LRRC53: variants seen among roughly 807,000 people sequenced by gnomAD.
The protein encoded by LRRC53 is leucine rich repeat containing 53.
Under a neutral mutation model 13.6 loss-of-function variants are expected in LRRC53, and 25 were observed. The ratio of observed to expected loss-of-function variants is 1.83; its 90% CI spans 1.34 to 2.56. The LOEUF is 2.56. Among genes scored for constraint, LRRC53 ranks in the 30% most tolerant of loss-of-function variants. The pLI is 0.00. For missense variants in LRRC53, 527 were observed against 275.8 expected (o/e 1.91, Z -6.45); for synonymous variants, 204 against 109.8 (o/e 1.86, Z -5.37).
chr1:74,497,886 G>C (rs1371780574), intron 1 of LRRC53, among the ~76,000 whole-genome samples: 1 of 152,094 alleles, frequency 6.6e-6, no homozygotes, highest in Non-Finnish European at 1.5e-5. Context: ...AGTGATACAC[G>C]TTTTCATCAT....
intron 1 of LRRC53, among the ~76,000 whole-genome samples, chr1:74,500,973 ATATAT>A (rs1186575806): frequency 1.3e-5 from 2 of 152,020 alleles, no homozygotes; most frequent in African/African-American, 4.8e-5. Context: ...TTTACTTGTG[ATATAT>A]TATGTTTCCA....
chr1:74,491,842 C>T (rs185543404), intron 1 of LRRC53, among the ~76,000 whole-genome samples: 11 of 152,156 alleles, frequency 7.2e-5, no homozygotes, highest in Admixed American at 3.9e-4. Flanking sequence ...TGAGTTGGGC[C>T]TACTGTGTTT....
the LRRC53 span, among the ~76,000 whole-genome samples, chr1:74,530,431 G>A: frequency 2.0e-5 from 3 of 152,290 alleles, no homozygotes; most frequent in East Asian, 3.9e-4. Flanking sequence ...GTTAGGTGGG[G>A]CAAATTTTGT....
upstream of LRRC53, among the ~76,000 whole-genome samples, chr1:74,514,684 C>T (rs1236797914): frequency 3.9e-5 from 6 of 152,180 alleles, no homozygotes; most frequent in African/African-American, 1.4e-4. Context: ...ATCCCAAAGC[C>T]ATGTGTGCTC....
chr1:74,484,993 A>AT (rs1255673988), intron 1 of LRRC53, among the ~76,000 whole-genome samples: 2 of 152,160 alleles, frequency 1.3e-5, no homozygotes, highest in Admixed American at 6.6e-5. Context: ...ATTCCAGATG[A>AT]TTTTTTATCA....
chr1:74,480,249 C>G lies in LRRC53; in HGVS notation c.808G>C (p.Asp270His). 1 of 717,532 alleles carries G rather than the reference C, an allele frequency of 1.4e-6. No individual in the cohort carries two copies. The highest frequency in any genetic ancestry group is 2.6e-6 in the Non-Finnish European group (1 of 385,092). The allele number at this position is 717,532 out of a possible 1,614,324, so 44.4% of individuals were successfully genotyped here. A position where few individuals can be genotyped will look rare whatever the true frequency, so the allele number is the denominator to read the frequency against. Reference protein sequence around the residue: ...SVLRLSETNCDSKAPNFTLVL... With the variant: ...SVLRLSETNCHSKAPNFTLVL... Reference sequence around the variant, plus strand: ...AGAGTGAAGTTGGGAGCTTTGGAATCACAGTTGGTCTCAGACAGCCTCAGC... The same window carrying G: ...AGAGTGAAGTTGGGAGCTTTGGAATGACAGTTGGTCTCAGACAGCCTCAGC... The change falls in exon 3 of 5, where the codon GAT becomes CAT. Residue 270 changes from aspartate to histidine, a missense_variant. Coordinates refer to ENST00000294635, the MANE Select transcript of LRRC53 (RefSeq NM_001382280.1).
At chr1:74,528,812 C>G in the LRRC53 span, among the ~76,000 whole-genome samples, 1 of 152,298 alleles carries the variant, frequency 6.6e-6, no homozygotes, top group East Asian at 1.9e-4. Context: ...CACCTGGCAC[C>G]TTGATCCTCA....
At chr1:74,511,268 C>G (rs562742712) in intron 1 of LRRC53, among the ~76,000 whole-genome samples, 1 of 152,050 alleles carries the variant, frequency 6.6e-6, no homozygotes, top group South Asian at 2.1e-4. Context: ...TCTCGGCTCA[C>G]CACAACCTCT....
At chr1:74,522,591 A>G in the LRRC53 span, among the ~76,000 whole-genome samples, 3 of 152,050 alleles carry the variant, frequency 2.0e-5, no homozygotes, top group Non-Finnish European at 4.4e-5. Flanking sequence ...TTTTTCCTGC[A>G]TATTCCCAAA....
chr1:74,523,411 A>G, the LRRC53 span, among the ~76,000 whole-genome samples: 2 of 152,050 alleles, frequency 1.3e-5, no homozygotes, highest in African/African-American at 2.4e-5. Context: ...TTGTGTATTC[A>G]AACATACTTG....
At chr1:74,486,201 AAGAGAGAGAG>A (rs58506314) in intron 1 of LRRC53, among the ~76,000 whole-genome samples, 6 of 136,516 alleles carry the variant, frequency 4.4e-5, no homozygotes, top group African/African-American at 1.3e-4. Context: ...AAATGCTATA[AAGAGAGAGAG>A]AGAGAGAGAG....
intron 1 of LRRC53, 28 bp from the exon 2 acceptor site, chr1:74,483,403 A>G (rs1570682135): frequency 2.8e-6 from 2 of 713,052 alleles, no homozygotes; most frequent in South Asian, 3.0e-5. Context: ...GGCAATGTAT[A>G]TCATAATGTT....
chr1:74,471,685 A>G lies in LRRC53; in HGVS notation c.1937T>C (p.Val646Ala). 2 of 401,104 alleles carry G rather than the reference A, an allele frequency of 5.0e-6. No individual in the cohort carries two copies. The highest frequency in any genetic ancestry group is 8.8e-6 in the Non-Finnish European group (2 of 226,562). 24.8% of individuals were successfully genotyped at this position (401,104 alleles called of 1,614,324 possible). A position where few individuals can be genotyped will look rare whatever the true frequency, so the allele number is the denominator to read the frequency against. ...KRVIFHDPDL[V>A]EINRSMMSPK... ...TGACATCATCGACCTATTTATTTCT[A>G]CTAAATCAGGATCATGGAAGATAAC... is the stretch of plus-strand genomic sequence containing the variant. The change falls in exon 5 of 5, where the codon GTA (valine) becomes GCA (alanine). Residue 646 changes from valine (V) to alanine (A), a missense_variant. Coordinates refer to ENST00000294635, the MANE Select transcript of LRRC53 (RefSeq NM_001382280.1).
At chr1:74,476,273 C>T (rs1477828823) in intron 3 of LRRC53, among the ~76,000 whole-genome samples, 1 of 152,082 alleles carries the variant, frequency 6.6e-6, no homozygotes, top group Non-Finnish European at 1.5e-5. Context: ...AACCCATGTG[C>T]CGACTCTAAC....
intron 1 of LRRC53, 41 bp from the exon 2 acceptor site, chr1:74,483,416 C>A: frequency 1.4e-6 from 1 of 706,550 alleles, no homozygotes; most frequent in East Asian, 2.7e-5. Flanking sequence ...ATAATGTTGG[C>A]ATTCACTGTC....
At chr1:74,474,124 T>C (rs1441120169) in intron 4 of LRRC53, among the ~76,000 whole-genome samples, 1 of 152,166 alleles carries the variant, frequency 6.6e-6, no homozygotes, top group African/African-American at 2.4e-5. Context: ...AACAACAGAC[T>C]GGGTTTTAAA....
In LRRC53 at chr1:74,511,931, G is replaced by T. The variant is rs115993353; in HGVS notation, c.-27+595C>A. On this transcript the variant is annotated intron_variant, in intron 1 of 4. Transcript: ENST00000294635. ...GAGTGTGGGTAGAGCAGAAGCTATA[G>T]ATGAGGATCTAAAGTCAATAGAAGT... 7.5e-3 allele frequency among the ~76,000 whole-genome samples: 1,145 copies of T among 152,296 alleles called. 5 individuals carry two copies. The highest frequency in any genetic ancestry group is 0.011 in the Non-Finnish European group (774 of 68,034).
At chr1:74,478,800 A>G (rs1249297464) in intron 3 of LRRC53, among the ~76,000 whole-genome samples, 2 of 152,236 alleles carry the variant, frequency 1.3e-5, no homozygotes, top group African/African-American at 2.4e-5. Context: ...CACCAGTGCT[A>G]GTATTCTAAG....
intron 1 of LRRC53, among the ~76,000 whole-genome samples, chr1:74,500,480 T>A (rs1187622535): frequency 1.3e-5 from 2 of 150,420 alleles, no homozygotes; most frequent in East Asian, 3.9e-4. Context: ...GGCGGGCGCC[T>A]GTAGTCCCAG....
Sources: gnomAD v4.1 joint callset for allele counts (sites outside exome capture counted in the v4.1 genomes callset) on GRCh38, gnomAD v4.1.1 for gene constraint, MANE v1.5 for transcripts, NCBI Gene and HGNC (gene_info 2026-07-23, HGNC 2026-07-21) for gene names.